The following BIRC2 variants were observed in gnomAD, a reference collection of about 807,000 sequenced individuals.
BIRC2 encodes the protein baculoviral IAP repeat-containing protein 2.
Under a neutral mutation model 60.9 loss-of-function variants are expected in BIRC2, and 18 were observed. The observed-to-expected ratio is 0.30, with a 90% confidence interval of 0.20 to 0.44. The LOEUF is 0.44. Among genes scored for constraint, BIRC2 ranks in the 20% least tolerant of loss-of-function variants. The pLI, the probability that BIRC2 is intolerant of heterozygous loss-of-function variation, is 1.00. For synonymous variants in BIRC2, 282 were observed against 247.7 expected, an observed-to-expected ratio of 1.14 and a Z score of -1.30; for missense variants, 701 against 728.5, an observed-to-expected ratio of 0.96 and a Z score of 0.43.
intron 4 of BIRC2, 26 bp from the exon 5 acceptor site, chr11:102,363,642 C>T: frequency 6.3e-7 from 1 of 1,592,974 alleles, no homozygotes; most frequent in Admixed American, 1.7e-5. Flanking sequence ...CTGCTTTTAC[C>T]TATTAACTTT....
chr11:102,377,770 TATTTTAGAA>T lies in BIRC2; in HGVS notation c.1621+24_1621+32del. The T allele has an allele frequency of 6.3e-7, 1 of 1,592,932 alleles. No homozygotes were observed. Among genetic ancestry groups the T allele is most frequent in the South Asian group, 1.2e-5 (1 of 86,228 alleles). The stretch of plus-strand genomic sequence containing the variant: ...TATTTGGTGAGTTTGTTGGGAAAAT[TATTTTAGAA>T]ATTCTTAGGACTGGCCAGATGCGGT... On this transcript the variant is annotated intron_variant, in intron 7 of 8. Transcript: ENST00000227758.
In BIRC2 at chr11:102,377,513, C is replaced by A; in HGVS notation, c.1384C>A (p.Arg462=). 1 of 1,587,036 alleles carries A rather than the reference C, an allele frequency of 6.3e-7. No individual in the cohort carries two copies. The change falls in exon 7 of 9, where the codon CGG becomes AGG. Residue 462 remains arginine (R), a synonymous_variant. Transcript: ENST00000227758. Reference sequence around the variant, plus strand: ...TAATGAAGATGATTTGTCATTAATTCGGAAGAACAGAATGGCTCTCTTTCA... The same window carrying A: ...TAATGAAGATGATTTGTCATTAATTAGGAAGAACAGAATGGCTCTCTTTCA... The part of the protein sequence containing the change: ...EMASDDLSLI[R]KNRMALFQQL...
At position 102,358,123 on chromosome 11, in the gene BIRC2, A is replaced by C. The variant is rs150253351; in HGVS notation, c.996-4773A>C. 2.8e-3 allele frequency among the ~76,000 whole-genome samples: 425 copies of C among 152,200 alleles called. 3 individuals are homozygous for C. Among genetic ancestry groups the C allele is most frequent in the African/African-American group, 9.8e-3 (408 of 41,526 alleles). On this transcript the variant is annotated intron_variant, in intron 3 of 8. Coordinates refer to ENST00000227758, the MANE Select transcript of BIRC2 (RefSeq NM_001166.5). ...ACTTGATAGGATTTCAGTCTTCCTC[A>C]GTTTGTTGAGTCTTGTTTTGTGACC... is the stretch of plus-strand genomic sequence containing the variant.
chr11:102,370,646 C>T (rs1272191394), intron 6 of BIRC2, among the ~76,000 whole-genome samples: 25 of 102,188 alleles, frequency 2.4e-4, no homozygotes, highest in Middle Eastern at 4.8e-3. Context: ...CTTGGCAATG[C>T]GGGCTCTTTT....
chr11:102,371,528 T>C (rs1480582697), intron 6 of BIRC2, among the ~76,000 whole-genome samples: 1 of 142,670 alleles, frequency 7.0e-6, no homozygotes, highest in Non-Finnish European at 1.6e-5. Flanking sequence ...CACTTGATCA[T>C]GGTGGATAAG....
rs766419306 is a variant in BIRC2 at position 102,363,720 on chromosome 11, T to C, written c.1123+4T>C. The C allele has an allele frequency of 2.5e-6, 4 of 1,607,136 alleles. No homozygotes were observed. Among genetic ancestry groups the C allele is most frequent in the Non-Finnish European group, 3.4e-6 (4 of 1,174,550 alleles). ...GAAGAAAATGCTGACCCACCAAGTA[T>C]GTATGAGATAATTTTAAGTATAGAG... On this transcript the variant is annotated splice_donor_region_variant and intron_variant, in intron 5 of 8. Transcript: ENST00000227758.
intron 3 of BIRC2, among the ~76,000 whole-genome samples, chr11:102,360,081 C>G (rs556753259): frequency 6.6e-6 from 1 of 152,018 alleles, no homozygotes; most frequent in African/African-American, 2.4e-5. Context: ...ATTCTCCTGC[C>G]TCAGCCTCCC....
rs1430943354 is a variant in BIRC2, at chr11:102,349,694, T to G, written c.-161T>G. ...GTATCTTGGTAATTCAGAGAGATAC[T>G]CATCCTACCTGAATATAAACTGAGA... On this transcript the variant is annotated 5_prime_UTR_variant, in exon 2 of 9. Coordinates refer to ENST00000227758, the MANE Select transcript of BIRC2 (RefSeq NM_001166.5). 2 of 721,588 alleles carry G rather than the reference T, an allele frequency of 2.8e-6. No homozygotes were observed. The highest frequency in any genetic ancestry group is 1.8e-5 in the African/African-American group (1 of 56,216). The allele number at this position is 721,588 out of a possible 1,614,324, so 44.7% of individuals were successfully genotyped here.
At position 102,350,857 on chromosome 11, in the gene BIRC2, T is replaced by C; in HGVS notation, c.909T>C (p.Asp303=). The change falls in exon 3 of 9, where the codon GAT becomes GAC. Residue 303 remains aspartate (D), a synonymous_variant. Transcript: ENST00000227758. ...TTTTTCCTGAAGGTCGCAATGATGA[T>C]GTCAAATGCTTTTGTTGTGATGGTG... ...AGFYYVGRND[D]VKCFCCDGGL... is the part of the protein sequence containing the mutation. 6.2e-7 allele frequency: 1 copy of C among 1,614,016 alleles called. No homozygotes were observed. The highest frequency in any genetic ancestry group is 8.5e-7 in the Non-Finnish European group (1 of 1,179,932).
At position 102,378,055 on chromosome 11, in the gene BIRC2, A is replaced by C; in HGVS notation, c.1729A>C (p.Lys577Gln). 1 of 1,613,766 alleles carries C rather than the reference A, an allele frequency of 6.2e-7. No homozygotes were observed. Among genetic ancestry groups the C allele is most frequent in the Non-Finnish European group, 8.5e-7 (1 of 1,179,808 alleles). ...EERTCKVCMD[K>Q]EVSVVFIPCG... ...ACGAACTTGTAAAGTGTGTATGGAC[A>C]AAGAAGTTTCTGTTGTATTTATTCC... Residue 577 changes from lysine (K) to glutamine (Q), a missense_variant, in exon 9 of 9, where the codon AAA becomes CAA. Lys to Gln is a moderately conservative substitution (Grantham distance 53). This residue lies in a region of BIRC2 where 52 missense variants were observed against 83.9 expected (regional missense o/e 0.62). Transcript: ENST00000227758.
At chr11:102,364,174 T>G (rs10895291) in intron 5 of BIRC2, among the ~76,000 whole-genome samples, 1 of 78,120 alleles carries the variant, frequency 1.3e-5, no homozygotes, top group African/African-American at 6.7e-5. Context: ...TATATATATA[T>G]ACACACACAC....
chr11:102,372,198 T>C lies in BIRC2; in HGVS notation c.1366+3650T>C, dbSNP rs1343220325. On this transcript the variant is annotated intron_variant, in intron 6 of 8. Transcript: ENST00000227758. Reference sequence around the variant, plus strand: ...TTCTGCTCTGATCTTAGTTATTTCCTGCCTTCTGCTAGCTTTTGAATGTGT... The same window carrying C: ...TTCTGCTCTGATCTTAGTTATTTCCCGCCTTCTGCTAGCTTTTGAATGTGT... 6.1e-3 allele frequency among the ~76,000 whole-genome samples: 854 copies of C among 140,790 alleles called. 11 individuals are homozygous for C. Among genetic ancestry groups the C allele is most frequent in the African/African-American group, 0.02 (745 of 37,578 alleles). The allele number at this position is 140,790 out of a possible 152,430, so 92.4% of individuals were successfully genotyped here. A position where few individuals can be genotyped will look rare whatever the true frequency, so the allele number is the denominator to read the frequency against.
chr11:102,347,998 C>G (rs1951311568), intron 1 of BIRC2, among the ~76,000 whole-genome samples: 1 of 152,144 alleles, frequency 6.6e-6, no homozygotes, highest in Non-Finnish European at 1.5e-5. Context: ...AGCAATCATG[C>G]CAGTGGTCGT....
Position 102,350,429 on chromosome 11 carries a change from A to G in BIRC2, c.575A>G (p.His192Arg), listed in dbSNP as rs182528901. 8.1e-6 allele frequency: 13 copies of G among 1,614,216 alleles called. No homozygotes were observed. The Admixed American group carries it at 1.3e-4, about 17-fold the overall frequency. Residue 192 changes from histidine to arginine, a missense_variant, in exon 2 of 9, where the codon CAT (histidine) becomes CGT (arginine). Around this residue, in one of 4 missense-constraint regions of BIRC2, gnomAD observed 375 missense variants for 365.9 expected, o/e 1.02. Transcript: ENST00000227758. ...GAAGAAGCCAGATTTCTTACCTACC[A>G]TATGTGGCCATTAACTTTTTTGTCA... Reference protein sequence around the residue: ...STEEARFLTYHMWPLTFLSPS... With the variant: ...STEEARFLTYRMWPLTFLSPS...
intron 8 of BIRC2, 38 bp downstream of exon 8, chr11:102,377,936 CT>C (rs200358142): frequency 2.8e-4 from 433 of 1,525,864 alleles, no homozygotes; most frequent in Admixed American, 7.3e-4. Context: ...AACTATTACC[CT>C]TTTTTTTTAA....
At chr11:102,361,151 T>G (rs1951481120) in intron 3 of BIRC2, among the ~76,000 whole-genome samples, 1 of 152,170 alleles carries the variant, frequency 6.6e-6, no homozygotes, top group African/African-American at 2.4e-5. Context: ...CGTGGACACC[T>G]GTGGAGCAGC....
At chr11:102,373,341 G>A (rs1239301396) in intron 6 of BIRC2, among the ~76,000 whole-genome samples, 1 of 152,072 alleles carries the variant, frequency 6.6e-6, no homozygotes, top group Non-Finnish European at 1.5e-5. Context: ...CTTCCTTCCG[G>A]AGCTCTTTTA....
intron 3 of BIRC2, among the ~76,000 whole-genome samples, chr11:102,356,442 T>C (rs11501342): frequency 0.064 from 9,754 of 151,958 alleles, 363 homozygotes; most frequent in Non-Finnish European, 0.081. Context: ...GTGATCCACC[T>C]GCCTCAGCCT....
rs1312166742 is a variant in BIRC2, at chr11:102,378,155, A to G, written c.1829A>G (p.Lys610Arg). 1 of 1,608,916 alleles carries G rather than the reference A, an allele frequency of 6.2e-7. No homozygotes were observed. The highest frequency in any genetic ancestry group is 8.5e-7 in the Non-Finnish European group (1 of 1,178,462). The change falls in exon 9 of 9, where the codon AAG (lysine) becomes AGG (arginine). Residue 610 changes from lysine (K) to arginine (R), a missense_variant. Lys to Arg is a conservative substitution (Grantham distance 26). Transcript: ENST00000227758. Reference sequence around the variant, plus strand: ...TGCCCTATTTGCAGGGGTATAATCAAGGGTACTGTTCGTACATTTCTCTCT... The same window carrying G: ...TGCCCTATTTGCAGGGGTATAATCAGGGGTACTGTTCGTACATTTCTCTCT... ...RKCPICRGII[K>R]GTVRTFLS
Sources: gnomAD v4.1 joint callset for allele counts (sites outside exome capture counted in the v4.1 genomes callset) on GRCh38, gnomAD v4.1.1 for gene constraint, gnomAD v4.1.1 regional missense constraint, MANE v1.5 for transcripts, NCBI Gene and HGNC (gene_info 2026-07-23, HGNC 2026-07-21) for gene names.